Variants in DARS2 observed in about 807,000 individuals in gnomAD.
DARS2 encodes aspartate--tRNA ligase, mitochondrial.
A neutral mutation model predicts 83.0 loss-of-function variants in DARS2; 63 were observed. The ratio of observed to expected loss-of-function variants is 0.76; its 90% CI spans 0.62 to 0.94. DARS2 has a LOEUF of 0.94. DARS2 is among the 40% of genes least tolerant of loss of function. The pLI is 0.00. For synonymous variants in DARS2, 250 were observed against 269.3 expected (o/e 0.93, Z 0.70); for missense variants, 675 against 774.4 (o/e 0.87, Z 1.52).
chr1:173,850,375 G>A lies in DARS2; in HGVS notation c.1240G>A (p.Val414Ile). 1 of 1,613,194 alleles carries A rather than the reference G, an allele frequency of 6.2e-7. No individual in the cohort carries two copies. ...CGCCAATAGAAACTGGAATTCTCCA[G>A]TTGCTAATTTCATAATGGAGTCACA... ...LNANRNWNSPVANFIMESQRL... is the reference protein window; with the variant it reads ...LNANRNWNSPIANFIMESQRL... The change falls in exon 13 of 17, where the codon GTT (valine) becomes ATT (isoleucine). Residue 414 changes from valine to isoleucine, a missense_variant. Val to Ile is a conservative substitution (Grantham distance 29, BLOSUM62 3). Transcript: ENST00000649689.
intron 12 of DARS2, among the ~76,000 whole-genome samples, chr1:173,847,271 T>A (rs1653472761): frequency 6.6e-6 from 1 of 152,190 alleles, no homozygotes; most frequent in African/African-American, 2.4e-5. Flanking sequence ...ATATGTCTTT[T>A]CTTTATAAAA....
In DARS2 at chr1:173,856,781, T is replaced by C. The variant is rs59693622; in HGVS notation, c.1750+40T>C. The C allele has an allele frequency of 3.7e-3, 5,761 of 1,544,354 alleles. 203 individuals are homozygous for C. In the African/African-American group the frequency reaches 0.072, roughly 19 times the overall value. On this transcript the variant is annotated intron_variant, in intron 16 of 16. Coordinates refer to ENST00000649689, the MANE Select transcript of DARS2 (RefSeq NM_018122.5). ...CTTTTATAAGATAAACTGAATTCCA[T>C]TGCACTGTCTCAAATTCAGGTTCTC...
At chr1:173,845,916 G>A (rs1168894094) in intron 12 of DARS2, among the ~76,000 whole-genome samples, 1 of 152,138 alleles carries the variant, frequency 6.6e-6, no homozygotes, top group Non-Finnish European at 1.5e-5. Flanking sequence ...CCAGCACTTT[G>A]GGAGGGCAAG....
Position 173,857,872 on chromosome 1 carries a change from C to A in DARS2, c.*167C>A. 1.3e-6 allele frequency: 1 copy of A among 750,538 alleles called. No homozygotes were observed. 46.5% of individuals were successfully genotyped at this position (750,538 alleles called of 1,614,324 possible). A position where few individuals can be genotyped will look rare whatever the true frequency, so the allele number is the denominator to read the frequency against. ...CAACGAAGAAACAGATAAAAGATAC[C>A]CAATTTTGACTTGATTTCATGCATC... is the stretch of plus-strand genomic sequence containing the variant. On this transcript the variant is annotated 3_prime_UTR_variant, in exon 17 of 17. Coordinates refer to ENST00000649689, the MANE Select transcript of DARS2 (RefSeq NM_018122.5).
At chr1:173,837,178 A>G in intron 8 of DARS2, 132 bp downstream of exon 8, 1 of 818,138 alleles carries the variant, frequency 1.2e-6, no homozygotes, top group Admixed American at 2.3e-5. Context: ...AATACTTATA[A>G]AATGCCCTCA....
chr1:173,831,745 T>G, intron 5 of DARS2, 115 bp downstream of exon 5: 1 of 814,366 alleles, frequency 1.2e-6, no homozygotes, highest in Non-Finnish European at 2.1e-6. Flanking sequence ...AGCATTTTAT[T>G]GTAGACACAT....
chr1:173,846,288 G>T (rs974646547), intron 12 of DARS2, among the ~76,000 whole-genome samples: 3 of 151,982 alleles, frequency 2.0e-5, no homozygotes, highest in African/African-American at 7.3e-5. Flanking sequence ...CTGAGATCAC[G>T]CCACTGCACT....
At chr1:173,848,669 T>C (rs1359749960) in intron 12 of DARS2, among the ~76,000 whole-genome samples, 1 of 152,226 alleles carries the variant, frequency 6.6e-6, no homozygotes, top group Non-Finnish European at 1.5e-5. Context: ...TTTATTCCAT[T>C]ATAGCAGAGC....
rs1448471840 is a variant in DARS2, at chr1:173,825,483, A to ATTATTATTATTATTT, written c.127+129_127+130insATTATTATTATTTTT. 4.0e-5 allele frequency: 20 copies of ATTATTATTATTATTT among 500,512 alleles called. No individual in the cohort carries two copies. In the African/African-American group the frequency reaches 4.2e-4, roughly 11 times the overall value. 31.0% of individuals were successfully genotyped at this position (500,512 alleles called of 1,614,324 possible). A position where few individuals can be genotyped will look rare whatever the true frequency, so the allele number is the denominator to read the frequency against. On this transcript the variant is annotated intron_variant, in intron 1 of 16. Transcript: ENST00000649689. ...TATTATTATTATTATTATTATTATTATTTGAGACGGAGTCTCGCTCTGCTG... is the reference window on the plus strand; with the variant it reads ...TATTATTATTATTATTATTATTATTATTATTATTATTATTTTTTGAGACGGAGTCTCGCTCTGCTG...
rs551075973 is a variant in DARS2 at position 173,851,580 on chromosome 1, C to T, written c.1344+1101C>T. On this transcript the variant is annotated intron_variant, in intron 13 of 16. Transcript: ENST00000649689. ...AGCAGCTGTAGGTGATGAGTGCCAT[C>T]ATGCACTGGCTGAGTCATGATTCTT... 2.6e-5 allele frequency among the ~76,000 whole-genome samples: 4 copies of T among 152,288 alleles called. No individual in the cohort carries two copies. The South Asian group carries it at 8.3e-4, about 32-fold the overall frequency.
rs972589967 is a variant in DARS2 at position 173,850,571 on chromosome 1, G to C, written c.1344+92G>C. ...ATAGTATACGTTTGAACTGTAGACT[G>C]TTAATTCATAAAATGGAGCTGCTCT... On this transcript the variant is annotated intron_variant, in intron 13 of 16. Transcript: ENST00000649689. The C allele has an allele frequency of 3.5e-6, 4 of 1,136,822 alleles. No homozygotes were observed. The African/African-American group carries it at 4.8e-5, about 14-fold the overall frequency. The allele number at this position is 1,136,822 out of a possible 1,614,324, so 70.4% of individuals were successfully genotyped here. A position where few individuals can be genotyped will look rare whatever the true frequency, so the allele number is the denominator to read the frequency against.
chr1:173,848,429 A>C (rs962351573), intron 12 of DARS2, among the ~76,000 whole-genome samples: 4 of 152,226 alleles, frequency 2.6e-5, no homozygotes, highest in African/African-American at 9.6e-5. Context: ...TTATGTCTGC[A>C]TTGTTCGGTG....
In DARS2 at chr1:173,824,862, GA is replaced by G. The variant is rs1481772443; in HGVS notation, c.-366del. 5 of 255,920 alleles carry G rather than the reference GA, an allele frequency of 2.0e-5. No homozygotes were observed. Among genetic ancestry groups the G allele is most frequent in the African/African-American group, 1.1e-4 (5 of 44,504 alleles). 15.9% of individuals were successfully genotyped at this position (255,920 alleles called of 1,614,324 possible). On this transcript the variant is annotated 5_prime_UTR_variant, in exon 1 of 17. Transcript: ENST00000649689. The stretch of plus-strand genomic sequence containing the variant: ...CCTCTCGAGAAGCGTGGAAAGAGGA[GA>G]AGGGCGTATACCTTGTGACCGCCTC...
intron 15 of DARS2, 24 bp from the exon 16 acceptor site, chr1:173,856,642 A>G: frequency 6.2e-7 from 1 of 1,607,588 alleles, no homozygotes; most frequent in Non-Finnish European, 8.5e-7. Context: ...ATATATTTAA[A>G]CTGAATTATC....
At chr1:173,841,691 C>G (rs1373991975) in intron 11 of DARS2, among the ~76,000 whole-genome samples, 1 of 152,098 alleles carries the variant, frequency 6.6e-6, no homozygotes, top group Admixed American at 6.6e-5. Context: ...CCCAGCTATT[C>G]TGGAGGTTGA....
intron 1 of DARS2, among the ~76,000 whole-genome samples, chr1:173,826,163 G>A (rs1018088920): frequency 2.0e-5 from 3 of 151,538 alleles, no homozygotes; most frequent in Non-Finnish European, 2.9e-5. Flanking sequence ...GGCGGAGCTT[G>A]CAGTGAGCCG....
At position 173,840,873 on chromosome 1, in the gene DARS2, A is replaced by G. The variant is rs200537352; in HGVS notation, c.1028A>G (p.Asp343Gly). Reference sequence around the variant, plus strand: ...TTGTTACCCATTTTCCAGATTATAGATATCAGTGATGTGTTTAGAAACACA... The same window carrying G: ...TTGTTACCCATTTTCCAGATTATAGGTATCAGTGATGTGTTTAGAAACACA... ...PDTRFGMKII[D>G]ISDVFRNTEI... The change falls in exon 11 of 17, where the codon GAT becomes GGT. Residue 343 changes from aspartate to glycine, a missense_variant. Transcript: ENST00000649689. 6.6e-5 allele frequency: 105 copies of G among 1,585,516 alleles called. No homozygotes were observed. The highest frequency in any genetic ancestry group is 6.3e-5 in the Non-Finnish European group (73 of 1,154,130).
chr1:173,857,868 A>T lies in DARS2; in HGVS notation c.*163A>T. On this transcript the variant is annotated 3_prime_UTR_variant, in exon 17 of 17. Transcript: ENST00000649689. ...ACCACAACGAAGAAACAGATAAAAG[A>T]TACCCAATTTTGACTTGATTTCATG... The T allele has an allele frequency of 1.3e-6, 1 of 786,470 alleles. No homozygotes were observed. The highest frequency in any genetic ancestry group is 2.5e-5 in the Admixed American group (1 of 39,832). 48.7% of individuals were successfully genotyped at this position (786,470 alleles called of 1,614,324 possible).
At chr1:173,850,692 G>A (rs1451785035) in intron 13 of DARS2, among the ~76,000 whole-genome samples, 1 of 149,500 alleles carries the variant, frequency 6.7e-6, no homozygotes, top group African/African-American at 2.5e-5. Flanking sequence ...TGCAACCTCC[G>A]CCTCCCGGGT....
Sources: gnomAD v4.1 joint callset for allele counts (sites outside exome capture counted in the v4.1 genomes callset) on GRCh38, gnomAD v4.1.1 for gene constraint, MANE v1.5 for transcripts, NCBI Gene and HGNC (gene_info 2026-07-23, HGNC 2026-07-21) for gene names.